The following PLEKHA7 variants were observed in gnomAD, a reference collection of about 807,000 sequenced individuals.
PLEKHA7 encodes pleckstrin homology domain containing A7, also known as pleckstrin homology domain-containing family A member 7.
A neutral mutation model predicts 170.0 loss-of-function variants in PLEKHA7; 104 were observed. The ratio of observed to expected loss-of-function variants is 0.61; its 90% CI spans 0.52 to 0.72. The LOEUF is 0.72. Ranked by LOEUF, PLEKHA7 falls within the 30% of genes least tolerant of loss-of-function variation. PLEKHA7 has a pLI of 0.00. For missense variants in PLEKHA7, 1,615 were observed against 1,671.7 expected (o/e 0.97, Z 0.59); for synonymous variants, 648 against 660.8 (o/e 0.98, Z 0.30).
chr11:16,962,480 G>T (rs1206476270), intron 3 of PLEKHA7, among the ~76,000 whole-genome samples: 1 of 152,106 alleles, frequency 6.6e-6, no homozygotes, highest in South Asian at 2.1e-4. Context: ...CCTTATTTTT[G>T]GATACAGTCT....
intron 4 of PLEKHA7, among the ~76,000 whole-genome samples, chr11:16,866,829 T>C (rs986904653): frequency 6.6e-6 from 1 of 152,152 alleles, no homozygotes; most frequent in South Asian, 2.1e-4. Flanking sequence ...CTTTCGTTTA[T>C]GCCTCTGACC....
intron 3 of PLEKHA7, among the ~76,000 whole-genome samples, chr11:17,012,329 TGCACCACATTCCA>T (rs903433550): frequency 6.6e-6 from 1 of 152,250 alleles, no homozygotes; most frequent in Admixed American, 6.5e-5. Context: ...TTCTCCCTTG[TGCACCACATTCCA>T]GCCTTCCTGC....
Position 16,826,443 on chromosome 11 carries a change from C to G in PLEKHA7, c.1020G>C (p.Gln340His). ...TCTGGGAACGGTACTGCTCTCCCTC[C>G]TGCTCCTGCCTCTCGAAGTTGACAA... ...DDIVNFERQEQEGEQYRSQRD... is the reference protein window; with the variant it reads ...DDIVNFERQEHEGEQYRSQRD... The change falls in exon 10 of 27, where the codon CAG becomes CAC. Residue 340 changes from glutamine to histidine, a missense_variant. By Grantham distance (24) the Gln-to-His change is conservative. Coordinates refer to ENST00000531066, the MANE Select transcript of PLEKHA7 (RefSeq NM_001329630.2). 1 of 1,614,264 alleles carries G rather than the reference C, an allele frequency of 6.2e-7. No homozygotes were observed. The highest frequency in any genetic ancestry group is 8.5e-7 in the Non-Finnish European group (1 of 1,180,050).
chr11:16,892,432 G>GTGTTTTGTTTTGTTT lies in PLEKHA7; in HGVS notation c.222-21265_222-21251dup, dbSNP rs199820686. On this transcript the variant is annotated intron_variant, in intron 3 of 26. Transcript: ENST00000531066. ...TGTGTGTGTGTGTGTGTGTGTGTGT[G>GTGTTTTGTTTTGTTT]TGTTTTGTTTTGTTTTGTTTTGTTT... Among the ~76,000 whole-genome samples, 737 of 115,008 alleles carry GTGTTTTGTTTTGTTT rather than the reference G, an allele frequency of 6.4e-3. 3 individuals carry two copies. Among genetic ancestry groups the GTGTTTTGTTTTGTTT allele is most frequent in the African/African-American group, 0.022 (603 of 27,560 alleles). 75.4% of individuals were successfully genotyped at this position (115,008 alleles called of 152,430 possible).
intron 3 of PLEKHA7, among the ~76,000 whole-genome samples, chr11:16,929,416 T>C (rs1331528715): frequency 6.6e-6 from 1 of 152,240 alleles, no homozygotes; most frequent in South Asian, 2.1e-4. Flanking sequence ...TTCTGGGTTC[T>C]TAATAAGCCG....
intron 3 of PLEKHA7, among the ~76,000 whole-genome samples, chr11:16,895,090 T>C (rs1392188373): frequency 6.6e-6 from 1 of 152,152 alleles, no homozygotes; most frequent in African/African-American, 2.4e-5. Context: ...GGTTGAACTA[T>C]TCCCCATGAA....
At chr11:16,790,665 C>T in intron 21 of PLEKHA7, 133 bp downstream of exon 21, 1 of 865,566 alleles carries the variant, frequency 1.2e-6, no homozygotes, top group South Asian at 1.8e-5. Flanking sequence ...CTCTTGGCAT[C>T]CCAGACCCCC....
chr11:17,014,390 C>G lies in PLEKHA7; in HGVS notation c.12G>C (p.Ala4=). 7.3e-7 allele frequency: 1 copy of G among 1,364,334 alleles called. No individual in the cohort carries two copies. Among genetic ancestry groups the G allele is most frequent in the Non-Finnish European group, 9.5e-7 (1 of 1,047,776 alleles). 84.5% of individuals were successfully genotyped at this position (1,364,334 alleles called of 1,614,324 possible). The part of the protein sequence containing the change: MAA[A]TVGRDTLPEH... Reference sequence around the variant, plus strand: ...CAGGTAAAGTGTCCCGCCCGACCGTCGCCGCCGCCATGTTCGCCGAGCGCG... The same window carrying G: ...CAGGTAAAGTGTCCCGCCCGACCGTGGCCGCCGCCATGTTCGCCGAGCGCG... The change falls in exon 1 of 27, where the codon GCG becomes GCC. Residue 4 remains alanine (A), a synonymous_variant. Coordinates refer to ENST00000531066, the MANE Select transcript of PLEKHA7 (RefSeq NM_001329630.2).
At chr11:16,850,893 G>A (rs366590) in intron 8 of PLEKHA7, among the ~76,000 whole-genome samples, 37,963 of 152,062 alleles carry the variant, frequency 0.25, 5,281 homozygotes, top group Non-Finnish European at 0.32. Context: ...TAGGCTGGCT[G>A]AGTACGGTGA....
intron 3 of PLEKHA7, among the ~76,000 whole-genome samples, chr11:16,916,985 G>A (rs1209906772): frequency 3.3e-5 from 5 of 152,124 alleles, no homozygotes; most frequent in African/African-American, 4.8e-5. Flanking sequence ...TTGGGAGGCC[G>A]AGGCGGGTGG....
At chr11:16,956,021 A>T (rs1221051081) in intron 3 of PLEKHA7, among the ~76,000 whole-genome samples, 1 of 152,150 alleles carries the variant, frequency 6.6e-6, no homozygotes, top group Non-Finnish European at 1.5e-5. Context: ...AAAACAAAAA[A>T]GTTAGGGATG....
chr11:16,906,936 C>T (rs1424778620), intron 3 of PLEKHA7, among the ~76,000 whole-genome samples: 7 of 148,902 alleles, frequency 4.7e-5, no homozygotes, highest in African/African-American at 1.8e-4. Context: ...TCTGCCCTGC[C>T]GCCCCGTCTG....
intron 4 of PLEKHA7, among the ~76,000 whole-genome samples, chr11:16,866,464 C>T (rs932708031): frequency 9.9e-5 from 15 of 152,154 alleles, no homozygotes; most frequent in Admixed American, 8.5e-4. Context: ...TGGTGGCGGG[C>T]ACCTGTAATC....
At chr11:16,908,054 G>A (rs1486338259) in intron 3 of PLEKHA7, among the ~76,000 whole-genome samples, 1 of 151,736 alleles carries the variant, frequency 6.6e-6, no homozygotes, top group African/African-American at 2.4e-5. Flanking sequence ...TTAAACAGAT[G>A]CTTGAAGGCA....
At chr11:16,840,831 T>C (rs1480741971) in intron 9 of PLEKHA7, among the ~76,000 whole-genome samples, 1 of 152,150 alleles carries the variant, frequency 6.6e-6, no homozygotes, top group Non-Finnish European at 1.5e-5. Flanking sequence ...ACCACATATA[T>C]GTGAAGTGGA....
intron 3 of PLEKHA7, among the ~76,000 whole-genome samples, chr11:16,940,092 T>C (rs1409579778): frequency 2.6e-5 from 4 of 151,660 alleles, no homozygotes; most frequent in Admixed American, 1.3e-4. Context: ...TCATAAACAA[T>C]CAAAACTTTA....
chr11:16,814,005 C>A lies in PLEKHA7; in HGVS notation c.1954-839G>T, dbSNP rs566059468. On this transcript the variant is annotated intron_variant, in intron 12 of 26. Coordinates refer to ENST00000531066, the MANE Select transcript of PLEKHA7 (RefSeq NM_001329630.2). ...CATCTTCTCAGCAGACTAAGAGGGT[C>A]ACAGCCAAGCAAGCTAGGGCCGAGG... Among the ~76,000 whole-genome samples, 7 of 152,304 alleles carry A rather than the reference C, an allele frequency of 4.6e-5. No homozygotes were observed. In the South Asian group the frequency reaches 1.5e-3, roughly 32 times the overall value.
intron 3 of PLEKHA7, among the ~76,000 whole-genome samples, chr11:16,883,144 T>A (rs1365164658): frequency 6.6e-6 from 1 of 152,192 alleles, no homozygotes; most frequent in African/African-American, 2.4e-5. Context: ...AATGGCTAGT[T>A]GCTGTATAGA....
intron 3 of PLEKHA7, among the ~76,000 whole-genome samples, chr11:16,872,037 C>T (rs1324333551): frequency 6.8e-6 from 1 of 147,532 alleles, no homozygotes; most frequent in Non-Finnish European, 1.5e-5. Flanking sequence ...GGTGCAATCT[C>T]GGCTCACAGC....
Sources: allele counts gnomAD v4.1 joint callset (sites outside exome capture counted in the v4.1 genomes callset), GRCh38; gene constraint gnomAD v4.1.1; transcripts MANE v1.5; gene names NCBI Gene and HGNC (gene_info 2026-07-23, HGNC 2026-07-21).